Variants in PRKAG2 observed in about 807,000 individuals in gnomAD.
The protein encoded by PRKAG2 is protein kinase AMP-activated non-catalytic subunit gamma 2, also known as 5'-AMP-activated protein kinase subunit gamma-2.
Under a neutral mutation model 69.6 loss-of-function variants are expected in PRKAG2, and 26 were observed. That is an observed-to-expected ratio of 0.37 (90% CI 0.27 to 0.52). The LOEUF is 0.52. Among genes scored for constraint, PRKAG2 ranks in the 20% least tolerant of loss-of-function variants. PRKAG2 has a pLI of 0.90. For synonymous variants in PRKAG2, 293 were observed against 285.0 expected (o/e 1.03, Z -0.28); for missense variants, 557 against 740.0 (o/e 0.75, Z 2.87).
intron 1 of PRKAG2, among the ~76,000 whole-genome samples, chr7:151,851,389 C>T (rs1185658748): frequency 1.3e-5 from 2 of 151,966 alleles, no homozygotes; most frequent in Admixed American, 1.3e-4. Context: ...TGCCAAGCAG[C>T]TTCCCTTTTT....
At chr7:151,822,757 G>A (rs766488211) in intron 1 of PRKAG2, among the ~76,000 whole-genome samples, 1 of 152,152 alleles carries the variant, frequency 6.6e-6, no homozygotes, top group Non-Finnish European at 1.5e-5. Context: ...GGTCAGGGGT[G>A]CAGACCCATG....
chr7:151,853,545 T>G (rs1160784851), intron 1 of PRKAG2, among the ~76,000 whole-genome samples: 1 of 151,796 alleles, frequency 6.6e-6, no homozygotes, highest in African/African-American at 2.4e-5. Flanking sequence ...GATCACGAGG[T>G]CAGGAGATTG....
intron 3 of PRKAG2, among the ~76,000 whole-genome samples, chr7:151,727,942 G>A (rs1403133617): frequency 3.3e-5 from 5 of 152,186 alleles, no homozygotes; most frequent in Non-Finnish European, 7.4e-5. Context: ...TCCTCCTGCA[G>A]TCATGCTCTT....
At chr7:151,795,890 T>TATATATAAAAAA (rs1491286413) in intron 1 of PRKAG2, among the ~76,000 whole-genome samples, 1 of 96,604 alleles carries the variant, frequency 1.0e-5, no homozygotes, top group African/African-American at 4.4e-5. Flanking sequence ...TATATATATA[T>TATATATAAAAAA]CACGATAATA....
At chr7:151,641,749 G>T (rs1379472465) in intron 4 of PRKAG2, among the ~76,000 whole-genome samples, 1 of 151,926 alleles carries the variant, frequency 6.6e-6, no homozygotes, top group Non-Finnish European at 1.5e-5. Context: ...GTGCTCAAGT[G>T]ATCCTCTTGC....
intron 13 of PRKAG2, among the ~76,000 whole-genome samples, chr7:151,564,985 G>A (rs572977917): frequency 1.2e-4 from 19 of 152,180 alleles, no homozygotes; most frequent in African/African-American, 2.2e-4. Flanking sequence ...GGATGCGCCC[G>A]ACAAAGGAGC....
chr7:151,593,143 G>A (rs1231039142), intron 6 of PRKAG2, among the ~76,000 whole-genome samples: 2 of 152,150 alleles, frequency 1.3e-5, no homozygotes, highest in Non-Finnish European at 2.9e-5. Context: ...AGTAATACAT[G>A]GAAAGCTGGG....
intron 7 of PRKAG2, among the ~76,000 whole-genome samples, chr7:151,575,881 T>C (rs1348649978): frequency 6.8e-6 from 1 of 147,380 alleles, no homozygotes; most frequent in African/African-American, 2.5e-5. Flanking sequence ...GTGTGTAGAG[T>C]TCTCAATGAG....
At position 151,835,191 on chromosome 7, in the gene PRKAG2, A is replaced by G. The variant is rs1267766157; in HGVS notation, c.114+41316T>C. On this transcript the variant is annotated intron_variant, in intron 1 of 15. Coordinates refer to ENST00000287878, the MANE Select transcript of PRKAG2 (RefSeq NM_016203.4). The surrounding 1 kb of genome is among the most constrained non-coding windows in gnomAD (Gnocchi z 4.1). ...TTTTAGGAGACACACAATTCAACTCATAACAGGGTGCCCTTAGAAAGGTTT... is the reference window on the plus strand; with the variant it reads ...TTTTAGGAGACACACAATTCAACTCGTAACAGGGTGCCCTTAGAAAGGTTT... 6.6e-6 allele frequency among the ~76,000 whole-genome samples: 1 copy of G among 152,106 alleles called. No individual in the cohort carries two copies.
intron 5 of PRKAG2, among the ~76,000 whole-genome samples, chr7:151,610,274 C>T (rs12112462): frequency 0.061 from 9,357 of 152,164 alleles, 943 homozygotes; most frequent in African/African-American, 0.21. Flanking sequence ...GAGACTGAGA[C>T]GGGAGAATGG....
intron 5 of PRKAG2, among the ~76,000 whole-genome samples, chr7:151,605,316 C>T (rs1479221095): frequency 2.0e-5 from 3 of 150,988 alleles, no homozygotes; most frequent in East Asian, 1.9e-4. Context: ...CACACCCAGC[C>T]GTAAAAGGTT....
chr7:151,818,543 G>A (rs573782104), intron 1 of PRKAG2, among the ~76,000 whole-genome samples: 22 of 152,248 alleles, frequency 1.4e-4, no homozygotes, highest in Non-Finnish European at 2.5e-4. Context: ...TGCAGAGGGA[G>A]TATCTGCAAA....
intron 3 of PRKAG2, among the ~76,000 whole-genome samples, chr7:151,724,005 T>A (rs1043841906): frequency 2.0e-5 from 3 of 152,202 alleles, no homozygotes; most frequent in Non-Finnish European, 2.9e-5. Flanking sequence ...GTACTTGTCA[T>A]AAATCCTGCC....
chr7:151,827,762 A>C (rs994347280), intron 1 of PRKAG2, among the ~76,000 whole-genome samples: 17 of 149,512 alleles, frequency 1.1e-4, no homozygotes, highest in Admixed American at 2.7e-4. Context: ...AAAAAAAAAA[A>C]AAAAAAAAAA....
In PRKAG2 at chr7:151,771,482, T is replaced by G. The variant is rs1174707388; in HGVS notation, c.466+9670A>C. On this transcript the variant is annotated intron_variant, in intron 3 of 15. Coordinates refer to ENST00000287878, the MANE Select transcript of PRKAG2 (RefSeq NM_016203.4). This position sits in a 1 kb window ranked among gnomAD's most constrained non-coding sequence, Gnocchi z 4.0. ...GAGCTCCGTGTCCTTTTGCTGTATC[T>G]GAACAACTGTGGGAGGAATCATTTT... 6.6e-6 allele frequency among the ~76,000 whole-genome samples: 1 copy of G among 152,198 alleles called. No homozygotes were observed. The highest frequency in any genetic ancestry group is 1.5e-5 in the Non-Finnish European group (1 of 68,038).
At chr7:151,704,844 G>A (rs530167462) in intron 3 of PRKAG2, among the ~76,000 whole-genome samples, 4 of 152,326 alleles carry the variant, frequency 2.6e-5, no homozygotes, top group East Asian at 1.9e-4. Flanking sequence ...CAGGGAGAGC[G>A]AGGCTGCTCA....
rs118071649 is a variant in PRKAG2 at position 151,629,634 on chromosome 7, T to G, written c.754+2435A>C. Among the ~76,000 whole-genome samples, 4 of 152,322 alleles carry G rather than the reference T, an allele frequency of 2.6e-5. No individual in the cohort carries two copies. In the East Asian group the frequency reaches 7.7e-4, roughly 29 times the overall value. On this transcript the variant is annotated intron_variant, in intron 5 of 15. Coordinates refer to ENST00000287878, the MANE Select transcript of PRKAG2 (RefSeq NM_016203.4). ...CTTTCTTCCTAACCTCACCAGTGCT[T>G]CCAAGATGTTTCTAACAAATATAGT...
chr7:151,576,038 G>A (rs1808854379), intron 7 of PRKAG2: 1 of 370,300 alleles, frequency 2.7e-6, no homozygotes, highest in African/African-American at 2.2e-5. Context: ...CTGGAGTACA[G>A]TGCAGCGATC....
Position 151,559,403 on chromosome 7 carries a change from A to C in PRKAG2, c.1678+1121T>G, listed in dbSNP as rs947944569. The C allele has an allele frequency of 8.1e-6, 8 of 985,338 alleles. No homozygotes were observed. The African/African-American group carries it at 1.2e-4, about 15-fold the overall frequency. The allele number at this position is 985,338 out of a possible 1,614,324, so 61.0% of individuals were successfully genotyped here. A position where few individuals can be genotyped will look rare whatever the true frequency, so the allele number is the denominator to read the frequency against. On this transcript the variant is annotated intron_variant, in intron 15 of 15. Transcript: ENST00000287878. The stretch of plus-strand genomic sequence containing the variant: ...AGATTCAGGTCTTTTAAACACTTGA[A>C]GTTTGCAAGTGACTGCACCAGGCCC...
Sources: allele counts gnomAD v4.1 joint callset (sites outside exome capture counted in the v4.1 genomes callset), GRCh38; gene constraint gnomAD v4.1.1; non-coding constraint Gnocchi (gnomAD v3.1); transcripts MANE v1.5; gene names NCBI Gene and HGNC (gene_info 2026-07-23, HGNC 2026-07-21).